GRIA4: variants seen among roughly 807,000 people sequenced by gnomAD.
GRIA4 encodes the protein glutamate ionotropic receptor AMPA type subunit 4.
GRIA4 carries 34 observed loss-of-function variants against 104.0 expected under a neutral mutation model. That is an observed-to-expected ratio of 0.33 (90% CI 0.25 to 0.44). GRIA4 has a LOEUF of 0.44. Ranked by LOEUF, GRIA4 falls within the 20% of genes least tolerant of loss-of-function variation. The pLI, the probability that GRIA4 is intolerant of heterozygous loss-of-function variation, is 1.00. For synonymous variants in GRIA4, 386 were observed against 381.9 expected (o/e 1.01, Z -0.13); for missense variants, 750 against 1,096.5 (o/e 0.68, Z 4.46).
At chr11:105,900,778 C>T (rs1361092059) in intron 7 of GRIA4, among the ~76,000 whole-genome samples, 4 of 151,932 alleles carry the variant, frequency 2.6e-5, no homozygotes, top group African/African-American at 9.7e-5. Context: ...TTAGTATAGA[C>T]GGGGTTTCGC....
In GRIA4 at chr11:105,632,184, G is replaced by A. The variant is rs182828703; in HGVS notation, c.247+19750G>A. ...ATGCAGTATCAATTTAGAGAATAAA[G>A]AGGATAGACACAAGAAAGTGAAATG... On this transcript the variant is annotated intron_variant, in intron 3 of 16. Coordinates refer to ENST00000282499, the MANE Select transcript of GRIA4 (RefSeq NM_000829.4). Among the ~76,000 whole-genome samples the A allele has an allele frequency of 1.4e-3, 220 of 152,322 alleles. 1 individual carries two copies. The highest frequency in any genetic ancestry group is 5.1e-3 in the African/African-American group (214 of 41,572).
At chr11:105,769,054 A>G (rs1941087310) in intron 4 of GRIA4, among the ~76,000 whole-genome samples, 2 of 152,090 alleles carry the variant, frequency 1.3e-5, no homozygotes, top group Admixed American at 6.6e-5. Context: ...AGTAGTCCAC[A>G]TTGTCTGAGA....
At chr11:105,736,589 T>A (rs1332302639) in intron 3 of GRIA4, among the ~76,000 whole-genome samples, 1 of 152,096 alleles carries the variant, frequency 6.6e-6, no homozygotes, top group Non-Finnish European at 1.5e-5. Flanking sequence ...CTGATATAAG[T>A]TACTTTATAT....
At chr11:105,897,431 T>C (rs1388839846) in intron 6 of GRIA4, among the ~76,000 whole-genome samples, 1 of 151,960 alleles carries the variant, frequency 6.6e-6, no homozygotes, top group African/African-American at 2.4e-5. Flanking sequence ...CTGGCTAGGA[T>C]TGGAGGTACT....
At chr11:105,671,081 G>C (rs544514642) in intron 3 of GRIA4, among the ~76,000 whole-genome samples, 18 of 152,022 alleles carry the variant, frequency 1.2e-4, no homozygotes, top group Non-Finnish European at 2.4e-4. Context: ...TGCTTTTATG[G>C]ATTCTTGTGA....
chr11:105,746,225 TA>T (rs1350222115), intron 3 of GRIA4, among the ~76,000 whole-genome samples: 1 of 152,070 alleles, frequency 6.6e-6, no homozygotes, highest in Non-Finnish European at 1.5e-5. Context: ...GAGACAATTA[TA>T]ATATATGAGA....
chr11:105,715,479 A>G (rs1467967917), intron 3 of GRIA4, among the ~76,000 whole-genome samples: 1 of 152,132 alleles, frequency 6.6e-6, no homozygotes. Flanking sequence ...TTGCTCTCTC[A>G]TTAATAGTCA....
chr11:105,924,384 T>C lies in GRIA4; in HGVS notation c.1477-15T>C. ...TCATTAACCTATGTGTCTCCATGTGTTTTTTCTCTTATAGAAAGCAGAGAT... is the reference window on the plus strand; with the variant it reads ...TCATTAACCTATGTGTCTCCATGTGCTTTTTCTCTTATAGAAAGCAGAGAT... On this transcript the variant is annotated splice_polypyrimidine_tract_variant and intron_variant, in intron 11 of 16. Coordinates refer to ENST00000282499, the MANE Select transcript of GRIA4 (RefSeq NM_000829.4). The C allele has an allele frequency of 1.3e-6, 2 of 1,558,132 alleles. No individual in the cohort carries two copies.
intron 3 of GRIA4, among the ~76,000 whole-genome samples, chr11:105,649,804 A>C (rs1951634821): frequency 6.6e-6 from 1 of 152,068 alleles, no homozygotes; most frequent in African/African-American, 2.4e-5. Flanking sequence ...CTATCTCAAC[A>C]ACACAGAGGT....
intron 3 of GRIA4, among the ~76,000 whole-genome samples, chr11:105,692,133 T>C (rs1953110271): frequency 6.6e-6 from 1 of 151,940 alleles, no homozygotes; most frequent in African/African-American, 2.4e-5. Flanking sequence ...ATGATAATGA[T>C]GATGATGACA....
intron 15 of GRIA4, among the ~76,000 whole-genome samples, 157 bp downstream of exon 15, chr11:105,972,185 T>C (rs1229255433): frequency 6.6e-6 from 1 of 152,180 alleles, no homozygotes; most frequent in Non-Finnish European, 1.5e-5. Flanking sequence ...ATAGGGATGG[T>C]CTTCCCAGGA....
intron 4 of GRIA4, among the ~76,000 whole-genome samples, chr11:105,841,232 C>T (rs200960697): frequency 7.0e-6 from 1 of 142,620 alleles, no homozygotes; most frequent in Non-Finnish European, 1.5e-5. Flanking sequence ...GTGGGTTCTT[C>T]AAAAAAAAAA....
At chr11:105,888,272 T>A (rs12792327) in intron 6 of GRIA4, among the ~76,000 whole-genome samples, 44 of 11,726 alleles carry the variant, frequency 3.8e-3, no homozygotes, top group African/African-American at 0.012. Flanking sequence ...TGTTTTCTCC[T>A]TTTTTTTTTT....
rs115350621 is a variant in GRIA4, at chr11:105,686,329, G to C, written c.248-66652G>C. Among the ~76,000 whole-genome samples the C allele has an allele frequency of 3.3e-3, 495 of 152,226 alleles. 4 individuals carry two copies. Among genetic ancestry groups the C allele is most frequent in the African/African-American group, 0.011 (472 of 41,538 alleles). On this transcript the variant is annotated intron_variant, in intron 3 of 16. Coordinates refer to ENST00000282499, the MANE Select transcript of GRIA4 (RefSeq NM_000829.4). ...TATAAGTAAGAACAAGTGGTTTTTG[G>C]TTTAATGTTCCTGCGTTAATTCACT...
chr11:105,955,538 G>T (rs1480998796), intron 14 of GRIA4, among the ~76,000 whole-genome samples: 1 of 152,066 alleles, frequency 6.6e-6, no homozygotes. Context: ...GGGCATATTG[G>T]TCGGTTCCAT....
At chr11:105,943,571 A>T (rs1360415201) in intron 14 of GRIA4, among the ~76,000 whole-genome samples, 1 of 152,084 alleles carries the variant, frequency 6.6e-6, no homozygotes, top group Non-Finnish European at 1.5e-5. Context: ...CTTCAGCACT[A>T]CCTAATTTCT....
At chr11:105,649,051 A>G (rs560869553) in intron 3 of GRIA4, among the ~76,000 whole-genome samples, 2 of 152,180 alleles carry the variant, frequency 1.3e-5, no homozygotes, top group Non-Finnish European at 2.9e-5. Flanking sequence ...GCTGATGTTA[A>G]TGCAGAAAAA....
intron 3 of GRIA4, among the ~76,000 whole-genome samples, chr11:105,654,403 T>A (rs1429209611): frequency 6.6e-6 from 1 of 152,098 alleles, no homozygotes; most frequent in East Asian, 1.9e-4. Flanking sequence ...TAACTCAATC[T>A]GGCCACTCCA....
chr11:105,699,253 C>T (rs536150134), intron 3 of GRIA4, among the ~76,000 whole-genome samples: 2 of 152,258 alleles, frequency 1.3e-5, no homozygotes, highest in East Asian at 3.9e-4. Flanking sequence ...AGGAAGAGGA[C>T]AAACCCCTTC....
Sources: allele counts gnomAD v4.1 joint callset (sites outside exome capture counted in the v4.1 genomes callset), GRCh38; gene constraint gnomAD v4.1.1; transcripts MANE v1.5; gene names NCBI Gene and HGNC (gene_info 2026-07-23, HGNC 2026-07-21).